Variants in PLCL1 observed in about 807,000 individuals in gnomAD.
PLCL1 encodes the protein phospholipase C like 1 (inactive).
A neutral mutation model predicts 84.4 loss-of-function variants in PLCL1; 41 were observed. The observed-to-expected ratio is 0.49, with a 90% CI of 0.38 to 0.63. The LOEUF (loss-of-function observed/expected upper bound fraction) is 0.63, where lower values mean the gene tolerates loss of function less well. Among genes scored for constraint, PLCL1 ranks in the 30% least tolerant of loss-of-function variants. PLCL1 has a pLI of 0.00. For missense variants in PLCL1, 1,206 were observed against 1,367.8 expected (o/e 0.88, Z 1.87); for synonymous variants, 490 against 488.3 (o/e 1.00, Z -0.05).
At chr2:198,071,660 A>G (rs536036910) in intron 1 of PLCL1, among the ~76,000 whole-genome samples, 2 of 151,924 alleles carry the variant, frequency 1.3e-5, no homozygotes, top group African/African-American at 4.8e-5. Flanking sequence ...AACAATTTTT[A>G]TAAATTAAGA....
At chr2:197,848,825 C>A (rs892670419) in intron 1 of PLCL1, among the ~76,000 whole-genome samples, 3 of 151,968 alleles carry the variant, frequency 2.0e-5, no homozygotes, top group Non-Finnish European at 2.9e-5. Flanking sequence ...AACCTTTTAT[C>A]AGGAGAAATA....
chr2:197,862,943 A>G (rs1687459518), intron 1 of PLCL1, among the ~76,000 whole-genome samples: 1 of 152,166 alleles, frequency 6.6e-6, no homozygotes, highest in African/African-American at 2.4e-5. Flanking sequence ...CTTCAAAAGT[A>G]GGGTAAAGCT....
chr2:197,905,787 T>C lies in PLCL1; in HGVS notation c.240+100448T>C, dbSNP rs538106853. 3.5e-3 allele frequency among the ~76,000 whole-genome samples: 528 copies of C among 152,326 alleles called. 4 individuals are homozygous for C. The highest frequency in any genetic ancestry group is 0.012 in the African/African-American group (490 of 41,556). ...CTAACTGGCGTGAGATGGTATCTCATTGTGGTTTTGATTTGCATTTCTCTA... is the reference window on the plus strand; with the variant it reads ...CTAACTGGCGTGAGATGGTATCTCACTGTGGTTTTGATTTGCATTTCTCTA... On this transcript the variant is annotated intron_variant, in intron 1 of 5. Transcript: ENST00000428675.
intron 1 of PLCL1, among the ~76,000 whole-genome samples, chr2:197,872,884 C>T (rs751458981): frequency 1.3e-5 from 2 of 152,088 alleles, no homozygotes; most frequent in Non-Finnish European, 2.9e-5. Flanking sequence ...TGATTAGGCT[C>T]TTAGTAGGCA....
At chr2:197,920,052 A>C (rs1332686272) in intron 1 of PLCL1, among the ~76,000 whole-genome samples, 2 of 152,118 alleles carry the variant, frequency 1.3e-5, no homozygotes, top group Admixed American at 6.5e-5. Flanking sequence ...AAATAAGATC[A>C]TATATATTGT....
At chr2:198,130,092 T>C (rs1170835242) in intron 5 of PLCL1, among the ~76,000 whole-genome samples, 2 of 152,110 alleles carry the variant, frequency 1.3e-5, no homozygotes, top group Non-Finnish European at 2.9e-5. Context: ...CCTGCTGGGC[T>C]CAAGCAATCC....
At chr2:198,139,932 A>C (rs1455955762) in intron 5 of PLCL1, among the ~76,000 whole-genome samples, 1 of 151,974 alleles carries the variant, frequency 6.6e-6, no homozygotes. Context: ...ATTAAATTTC[A>C]TACTTTTTTT....
intron 5 of PLCL1, among the ~76,000 whole-genome samples, chr2:198,140,970 G>A (rs2105945516): frequency 6.6e-6 from 1 of 152,182 alleles, no homozygotes; most frequent in East Asian, 1.9e-4. Flanking sequence ...TCTCAGGTGA[G>A]CATGTCCAGT....
chr2:198,087,214 A>C (rs1037198576), intron 2 of PLCL1, among the ~76,000 whole-genome samples: 2 of 152,206 alleles, frequency 1.3e-5, no homozygotes, highest in Non-Finnish European at 2.9e-5. Flanking sequence ...CATATAAGGT[A>C]AGAAAAATAG....
At chr2:198,082,851 C>T (rs756906683) in intron 1 of PLCL1, among the ~76,000 whole-genome samples, 9 of 152,086 alleles carry the variant, frequency 5.9e-5, no homozygotes, top group Non-Finnish European at 1.3e-4. Flanking sequence ...AATAATAAAC[C>T]TGCTTAAGAT....
At chr2:198,011,803 T>G (rs1690874613) in intron 1 of PLCL1, among the ~76,000 whole-genome samples, 2 of 152,132 alleles carry the variant, frequency 1.3e-5, no homozygotes, top group African/African-American at 4.8e-5. Flanking sequence ...AGTACATATC[T>G]GTTTTTTTAC....
At chr2:198,077,242 A>G (rs1692597621) in intron 1 of PLCL1, among the ~76,000 whole-genome samples, 1 of 152,098 alleles carries the variant, frequency 6.6e-6, no homozygotes, top group South Asian at 2.1e-4. Flanking sequence ...TCTCTATCCT[A>G]GGCATCTTAA....
intron 1 of PLCL1, among the ~76,000 whole-genome samples, chr2:197,953,504 C>G (rs896414528): frequency 1.1e-4 from 17 of 151,982 alleles, no homozygotes; most frequent in African/African-American, 4.1e-4. Flanking sequence ...GCTTGTCTGC[C>G]ATTTTGCTCA....
chr2:198,143,622 G>A (rs1370296258), intron 5 of PLCL1, among the ~76,000 whole-genome samples: 5 of 152,128 alleles, frequency 3.3e-5, no homozygotes, highest in African/African-American at 1.2e-4. Context: ...AAGTCAGCAT[G>A]CCAAGGGAAA....
At chr2:198,031,205 T>TACA (rs1553512760) in intron 1 of PLCL1, among the ~76,000 whole-genome samples, 5 of 84,104 alleles carry the variant, frequency 5.9e-5, no homozygotes, top group Admixed American at 1.3e-4. Flanking sequence ...ACCTTGTCTC[T>TACA]ACAAAAAAAA....
chr2:198,010,740 G>A (rs1595825), intron 1 of PLCL1, among the ~76,000 whole-genome samples: 34,474 of 151,132 alleles, frequency 0.23, 4,029 homozygotes, highest in African/African-American at 0.29. Flanking sequence ...TATTCATTAA[G>A]TATTTGATAC....
intron 1 of PLCL1, among the ~76,000 whole-genome samples, chr2:197,965,273 C>T (rs1316802655): frequency 6.6e-6 from 1 of 152,090 alleles, no homozygotes; most frequent in Non-Finnish European, 1.5e-5. Context: ...TGGATTTCTT[C>T]ATGGTTCAAT....
At chr2:198,112,618 C>T (rs1197072294) in intron 5 of PLCL1, among the ~76,000 whole-genome samples, 3 of 151,882 alleles carry the variant, frequency 2.0e-5, no homozygotes, top group Non-Finnish European at 2.9e-5. Flanking sequence ...TCTGTGTCTC[C>T]TCTAGGCAAC....
intron 5 of PLCL1, among the ~76,000 whole-genome samples, chr2:198,113,163 T>C (rs150823309): frequency 0.013 from 1,967 of 152,036 alleles, 42 homozygotes; most frequent in African/African-American, 0.044. Context: ...GTTTGGCTAA[T>C]TAGTGCAAAA....
Sources: gnomAD v4.1 joint callset for allele counts (sites outside exome capture counted in the v4.1 genomes callset) on GRCh38, gnomAD v4.1.1 for gene constraint, MANE v1.5 for transcripts, NCBI Gene and HGNC (gene_info 2026-07-23, HGNC 2026-07-21) for gene names.